Variants in CTSB observed in about 807,000 individuals in gnomAD.
CTSB encodes the protein cathepsin B, also known as APP secretase.
A neutral mutation model predicts 44.3 loss-of-function variants in CTSB; 57 were observed. That is an observed-to-expected ratio of 1.29 (90% CI 1.04 to 1.60). CTSB has a LOEUF of 1.60. CTSB is among the 40% of genes most tolerant of loss of function. The pLI, the probability that CTSB is intolerant of heterozygous loss-of-function variation, is 0.00. For missense variants in CTSB, 768 were observed against 443.0 expected (o/e 1.73, Z -6.59); for synonymous variants, 320 against 168.0 (o/e 1.91, Z -7.00).
chr8:11,866,605 A>G (rs1372484704), intron 1 of CTSB, among the ~76,000 whole-genome samples: 2 of 152,182 alleles, frequency 1.3e-5, no homozygotes, highest in Admixed American at 6.5e-5. Flanking sequence ...TTGGCCAGGC[A>G]CCGTGACTCA....
chr8:11,853,487 G>A lies in CTSB; in HGVS notation c.-25-8C>T, dbSNP rs774329681. On this transcript the variant is annotated splice_polypyrimidine_tract_variant and splice_region_variant and intron_variant, in intron 1 of 9. Transcript: ENST00000353047. ...GCCGGATCCTAGATCCACCTGGAGAGGACAGAGGGCATCAGGACACCTCTC... is the reference window on the plus strand; with the variant it reads ...GCCGGATCCTAGATCCACCTGGAGAAGACAGAGGGCATCAGGACACCTCTC... 2 of 1,605,728 alleles carry A rather than the reference G, an allele frequency of 1.2e-6. No individual in the cohort carries two copies. Among genetic ancestry groups the A allele is most frequent in the East Asian group, 4.5e-5 (2 of 44,608 alleles).
intron 5 of CTSB, chr8:11,848,786 G>C (rs531778529): frequency 7.7e-6 from 3 of 391,862 alleles, no homozygotes; most frequent in Middle Eastern, 1.7e-3. Flanking sequence ...CCAGGGGCCA[G>C]ACATTCCACC....
Position 11,844,538 on chromosome 8 carries a change from C to A in CTSB, c.*587G>T, listed in dbSNP as rs28514925. ...AAACTAGCACAGGTCTCCCGCTGTT[C>A]CACTGGCTCACCCACATGATTAGCA... On this transcript the variant is annotated 3_prime_UTR_variant, in exon 10 of 10. Coordinates refer to ENST00000353047, the MANE Select transcript of CTSB (RefSeq NM_001908.5). 2.0e-5 allele frequency: 3 copies of A among 152,372 alleles called. No individual in the cohort carries two copies. The highest frequency in any genetic ancestry group is 7.2e-5 in the African/African-American group (3 of 41,432). The allele number at this position is 152,372 out of a possible 1,614,324, so 9.4% of individuals were successfully genotyped here.
At chr8:11,860,050 C>G (rs892051003) in intron 1 of CTSB, among the ~76,000 whole-genome samples, 1 of 151,840 alleles carries the variant, frequency 6.6e-6, no homozygotes, top group East Asian at 1.9e-4. Flanking sequence ...CCAGCCTGGG[C>G]GACAGAGCAA....
intron 3 of CTSB, among the ~76,000 whole-genome samples, chr8:11,851,959 A>T (rs953533727): frequency 1.3e-5 from 2 of 152,128 alleles, no homozygotes; most frequent in East Asian, 3.9e-4. Flanking sequence ...GAGCCACCAT[A>T]CTTGGCCTCA....
intron 1 of CTSB, among the ~76,000 whole-genome samples, chr8:11,856,257 G>A (rs1415560259): frequency 3.3e-5 from 5 of 151,982 alleles, no homozygotes; most frequent in Admixed American, 2.0e-4. Context: ...GCATGTCCTG[G>A]AAATGAATCA....
At chr8:11,863,529 A>T (rs1207339513) in intron 1 of CTSB, among the ~76,000 whole-genome samples, 1 of 152,172 alleles carries the variant, frequency 6.6e-6, no homozygotes. Context: ...AGTGTCACTC[A>T]ACCCATTTAT....
chr8:11,847,028 T>C lies in CTSB; in HGVS notation c.793+24A>G, dbSNP rs773741352. 3 of 871,518 alleles carry C rather than the reference T, an allele frequency of 3.4e-6. No homozygotes were observed. In the Admixed American group the frequency reaches 5.5e-5, roughly 16 times the overall value. 54.0% of individuals were successfully genotyped at this position (871,518 alleles called of 1,614,324 possible). A position where few individuals can be genotyped will look rare whatever the true frequency, so the allele number is the denominator to read the frequency against. ...CTCCCCTCCCGACCCCCACCCTCTA[T>C]TGCCATCAGCCATCAGCACGCACCT... On this transcript the variant is annotated intron_variant, in intron 8 of 9. Transcript: ENST00000353047.
chr8:11,845,072 G>T lies in CTSB; in HGVS notation c.*53C>A. On this transcript the variant is annotated 3_prime_UTR_variant, in exon 10 of 10. Coordinates refer to ENST00000353047, the MANE Select transcript of CTSB (RefSeq NM_001908.5). The stretch of plus-strand genomic sequence containing the variant: ...CTTACGTGAACTTAAAGAATAAAAT[G>T]CATTTCTACCCCGATCTCGCCCCCA... The T allele has an allele frequency of 5.1e-6, 6 of 1,179,496 alleles. No homozygotes were observed. In the South Asian group the frequency reaches 6.1e-5, roughly 12 times the overall value. The allele number at this position is 1,179,496 out of a possible 1,614,324, so 73.1% of individuals were successfully genotyped here.
At chr8:11,859,038 G>A (rs1287185854) in intron 1 of CTSB, among the ~76,000 whole-genome samples, 2 of 152,128 alleles carry the variant, frequency 1.3e-5, no homozygotes, top group Non-Finnish European at 2.9e-5. Flanking sequence ...ACAGCTGCGA[G>A]CAGATGTCAT....
At chr8:11,866,496 T>TG (rs1817172769) in intron 1 of CTSB, among the ~76,000 whole-genome samples, 1 of 152,232 alleles carries the variant, frequency 6.6e-6, no homozygotes, top group Admixed American at 6.5e-5. Flanking sequence ...CGTTTGACTC[T>TG]GTCTTTGGGA....
rs1812513023 is a variant in CTSB, at chr8:11,842,923, C to T, written c.*2202G>A. 1 of 147,072 alleles carries T rather than the reference C, an allele frequency of 6.8e-6. No homozygotes were observed. The highest frequency in any genetic ancestry group is 2.5e-5 in the African/African-American group (1 of 39,408). 9.1% of individuals were successfully genotyped at this position (147,072 alleles called of 1,614,324 possible). A position where few individuals can be genotyped will look rare whatever the true frequency, so the allele number is the denominator to read the frequency against. On this transcript the variant is annotated 3_prime_UTR_variant, in exon 10 of 10. Coordinates refer to ENST00000353047, the MANE Select transcript of CTSB (RefSeq NM_001908.5). The stretch of plus-strand genomic sequence containing the variant: ...AAGTGCTGGGATTACAGGCTTGAGC[C>T]ACTGCGCCCGGCCTTTTTTTTTTTT...
In CTSB at chr8:11,853,324, C is replaced by G; in HGVS notation, c.126+5G>C. ...ACATACATAGGACGCAGCCCCACAG[C>G]CTACCTGCCACGTGGTATTCCGTTT... On this transcript the variant is annotated splice_donor_5th_base_variant and intron_variant, in intron 2 of 9. Coordinates refer to ENST00000353047, the MANE Select transcript of CTSB (RefSeq NM_001908.5). The G allele has an allele frequency of 1.9e-6, 3 of 1,613,308 alleles. No individual in the cohort carries two copies. The highest frequency in any genetic ancestry group is 2.5e-6 in the Non-Finnish European group (3 of 1,179,794).
Position 11,845,152 on chromosome 8 carries a change from G to T in CTSB, c.993C>A (p.Arg331=). The T allele has an allele frequency of 6.2e-7, 1 of 1,613,758 alleles. No homozygotes were observed. Residue 331 remains arginine, a synonymous_variant, in exon 10 of 10, where the codon CGC becomes CGA. Coordinates refer to ENST00000353047, the MANE Select transcript of CTSB (RefSeq NM_001908.5). ...AGATCTTTTCCCAGTACTGATCGGT[G>T]CGTGGAATTCCAGCCACCACTTCTG... The part of the protein sequence containing the change: ...IESEVVAGIP[R]TDQYWEKI
intron 1 of CTSB, chr8:11,862,399 A>G (rs1816568583): frequency 6.6e-6 from 1 of 152,198 alleles, no homozygotes. Context: ...AGTCACTGGG[A>G]GCGTGAAAAG....
chr8:11,847,304 C>A (rs773110610), intron 7 of CTSB, 136 bp from the exon 8 acceptor site: 26 of 672,862 alleles, frequency 3.9e-5, no homozygotes, highest in Non-Finnish European at 6.9e-5. Flanking sequence ...GCCAGGGGAG[C>A]TCAAGGAAGG....
At chr8:11,850,807 T>C in intron 4 of CTSB, 59 bp downstream of exon 4, 1 of 1,249,750 alleles carries the variant, frequency 8.0e-7, no homozygotes, top group African/African-American at 1.5e-5. Flanking sequence ...CCCCCAAGAC[T>C]CTCCAGTGTT....
intron 1 of CTSB, chr8:11,861,608 G>C (rs1184939032): frequency 6.6e-6 from 1 of 152,238 alleles, no homozygotes; most frequent in African/African-American, 2.4e-5. Context: ...GTCGTTGTTG[G>C]TTGTAAACAA....
In CTSB at chr8:11,844,707, AT is replaced by A. The variant is rs2130970574; in HGVS notation, c.*417del. The A allele has an allele frequency of 5.9e-6, 1 of 168,114 alleles. No individual in the cohort carries two copies. Among genetic ancestry groups the A allele is most frequent in the East Asian group, 1.6e-4 (1 of 6,140 alleles). The allele number at this position is 168,114 out of a possible 1,614,324, so 10.4% of individuals were successfully genotyped here. Reference sequence around the variant, plus strand: ...GGCTCCCAACACCGTCTCTCCTCTGATTTCTGTGACAAATGTGGAAAGCTAC... The same window carrying A: ...GGCTCCCAACACCGTCTCTCCTCTGATTCTGTGACAAATGTGGAAAGCTAC... On this transcript the variant is annotated 3_prime_UTR_variant, in exon 10 of 10. Transcript: ENST00000353047.
Sources: allele counts gnomAD v4.1 joint callset (sites outside exome capture counted in the v4.1 genomes callset), GRCh38; gene constraint gnomAD v4.1.1; transcripts MANE v1.5; gene names NCBI Gene and HGNC (gene_info 2026-07-23, HGNC 2026-07-21).